The following SLC35A3 variants were observed in gnomAD, a reference collection of about 807,000 sequenced individuals.
The protein encoded by SLC35A3 is UDP-N-acetylglucosamine transporter.
A neutral mutation model predicts 39.0 loss-of-function variants in SLC35A3; 26 were observed. That is an observed-to-expected ratio of 0.67 (90% CI 0.49 to 0.92). The LOEUF (loss-of-function observed/expected upper bound fraction) is 0.92. SLC35A3 is among the 40% of genes least tolerant of loss of function. The probability of loss-of-function intolerance (pLI) is 0.00; values close to 1 mark genes in which losing one functional copy is unlikely to be tolerated. For synonymous variants in SLC35A3, 135 were observed against 133.1 expected, an observed-to-expected ratio of 1.01 and a Z score of -0.10; for missense variants, 299 against 371.6, an observed-to-expected ratio of 0.80 and a Z score of 1.61.
In SLC35A3 at chr1:100,024,622, CTTTT is replaced by C. The variant is rs1333681581; in HGVS notation, c.*2158_*2161del. 3.1e-4 allele frequency: 80 copies of C among 254,610 alleles called. No individual in the cohort carries two copies. The highest frequency in any genetic ancestry group is 1.1e-3 in the Middle Eastern group (1 of 878). The allele number at this position is 254,610 out of a possible 1,614,324, so 15.8% of individuals were successfully genotyped here. A position where few individuals can be genotyped will look rare whatever the true frequency, so the allele number is the denominator to read the frequency against. On this transcript the variant is annotated 3_prime_UTR_variant, in exon 8 of 8. Coordinates refer to ENST00000533028, the MANE Select transcript of SLC35A3 (RefSeq NM_012243.3). ...TATGAATGAAAAAAATAAAATACTT[CTTTT>C]TTTTTTTTTTTGAGACAGAGTCTCA...
chr1:100,008,324 A>G lies in SLC35A3; in HGVS notation c.465+1168A>G, dbSNP rs181792789. The G allele has an allele frequency of 7.9e-5, 12 of 151,710 alleles. No homozygotes were observed. The East Asian group carries it at 1.7e-3, about 22-fold the overall frequency. The allele number at this position is 151,710 out of a possible 1,614,324, so 9.4% of individuals were successfully genotyped here. A position where few individuals can be genotyped will look rare whatever the true frequency, so the allele number is the denominator to read the frequency against. On this transcript the variant is annotated intron_variant, in intron 4 of 7. Coordinates refer to ENST00000533028, the MANE Select transcript of SLC35A3 (RefSeq NM_012243.3). ...GCATATCAAATTCATATTTTCATAA[A>G]TATTGCTTAGGGTAAGCTAAAGTAG...
At position 100,029,138 on chromosome 1, in the gene SLC35A3, T is replaced by C. The variant is rs1661085339; in HGVS notation, c.*6662T>C. On this transcript the variant is annotated 3_prime_UTR_variant, in exon 8 of 8. Transcript: ENST00000533028. The stretch of plus-strand genomic sequence containing the variant: ...GTTGATTTTTTTGCCCATGTAGTTG[T>C]CCTCTCTTTCCAACATCTGCCCCTC... 1 of 152,216 alleles carries C rather than the reference T, an allele frequency of 6.6e-6. No individual in the cohort carries two copies. The highest frequency in any genetic ancestry group is 1.5e-5 in the Non-Finnish European group (1 of 68,058). The allele number at this position is 152,216 out of a possible 1,614,324, so 9.4% of individuals were successfully genotyped here. A position where few individuals can be genotyped will look rare whatever the true frequency, so the allele number is the denominator to read the frequency against.
At position 100,011,420 on chromosome 1, in the gene SLC35A3, T is replaced by C; in HGVS notation, c.521T>C (p.Val174Ala). 2 of 1,580,820 alleles carry C rather than the reference T, an allele frequency of 1.3e-6. No homozygotes were observed. Among genetic ancestry groups the C allele is most frequent in the Non-Finnish European group, 1.7e-6 (2 of 1,158,544 alleles). ...GAACTTTCAGCTGGTTCTCAATTTG[T>C]AGGACTCATGGCAGTTCTCACAGCA... ...SKELSAGSQF[V>A]GLMAVLTACF... The change falls in exon 5 of 8, where the codon GTA becomes GCA. Residue 174 changes from valine to alanine, a missense_variant. Transcript: ENST00000533028.
At chr1:99,979,515 G>A (rs1657320369) in intron 1 of SLC35A3, among the ~76,000 whole-genome samples, 1 of 149,390 alleles carries the variant, frequency 6.7e-6, no homozygotes, top group Non-Finnish European at 1.5e-5. Context: ...CTCACTGCAA[G>A]CTCCACCTCC....
chr1:100,011,405 C>A lies in SLC35A3; in HGVS notation c.506C>A (p.Ala169Asp). ...CAGCTTGATTCTAAGGAACTTTCAG[C>A]TGGTTCTCAATTTGTAGGACTCATG... Reference protein sequence around the residue: ...DSQLDSKELSAGSQFVGLMAV... With the variant: ...DSQLDSKELSDGSQFVGLMAV... The change falls in exon 5 of 8, where the codon GCT becomes GAT. Residue 169 changes from alanine (A) to aspartate (D), a missense_variant. Coordinates refer to ENST00000533028, the MANE Select transcript of SLC35A3 (RefSeq NM_012243.3). 6.4e-7 allele frequency: 1 copy of A among 1,570,142 alleles called. No individual in the cohort carries two copies. Among genetic ancestry groups the A allele is most frequent in the South Asian group, 1.2e-5 (1 of 83,228 alleles).
chr1:100,015,157 CAAAA>C (rs760381564), intron 5 of SLC35A3, 141 bp from the exon 6 acceptor site: 1,915 of 451,446 alleles, frequency 4.2e-3, no homozygotes, highest in South Asian at 8.2e-3. Flanking sequence ...GACTCCGTCT[CAAAA>C]AAAAAAAAAA....
intron 1 of SLC35A3, 175 bp downstream of exon 1, chr1:99,970,337 G>T: frequency 3.5e-6 from 2 of 570,888 alleles, no homozygotes; most frequent in Admixed American, 3.1e-5. Flanking sequence ...AGCTAAGTAG[G>T]GGTGGGAGCA....
intron 1 of SLC35A3, among the ~76,000 whole-genome samples, chr1:99,984,378 A>G (rs1044158033): frequency 6.6e-6 from 1 of 152,228 alleles, no homozygotes; most frequent in African/African-American, 2.4e-5. Flanking sequence ...TTCACCTAGA[A>G]TAATGGTCTC....
Position 99,977,747 on chromosome 1 carries a change from C to T in SLC35A3, c.-19+7585C>T, listed in dbSNP as rs10875278. Among the ~76,000 whole-genome samples the T allele has an allele frequency of 8.5e-3, 1,294 of 152,188 alleles. 9 individuals carry two copies. Among genetic ancestry groups the T allele is most frequent in the East Asian group, 0.035 (182 of 5,180 alleles). On this transcript the variant is annotated intron_variant, in intron 1 of 7. Transcript: ENST00000533028. Reference sequence around the variant, plus strand: ...AAAGACAGAGTCCGACTATGTTGCCCAGGCTGGTCTGGAACTCCTGGGCTC... The same window carrying T: ...AAAGACAGAGTCCGACTATGTTGCCTAGGCTGGTCTGGAACTCCTGGGCTC...
rs1275656472 is a variant in SLC35A3 at position 100,035,035 on chromosome 1, T to C, written c.*12559T>C. The C allele has an allele frequency of 6.6e-6, 1 of 152,080 alleles. No individual in the cohort carries two copies. The highest frequency in any genetic ancestry group is 1.5e-5 in the Non-Finnish European group (1 of 68,016). 9.4% of individuals were successfully genotyped at this position (152,080 alleles called of 1,614,324 possible). A position where few individuals can be genotyped will look rare whatever the true frequency, so the allele number is the denominator to read the frequency against. On this transcript the variant is annotated 3_prime_UTR_variant, in exon 8 of 8. Transcript: ENST00000533028. ...CAAAAAACCCTAACTGAGATATCAGTCTCTTAGCGCAAAGTTTGTGAATAC... is the reference window on the plus strand; with the variant it reads ...CAAAAAACCCTAACTGAGATATCAGCCTCTTAGCGCAAAGTTTGTGAATAC...
chr1:100,010,519 C>T (rs1347843239), intron 4 of SLC35A3, among the ~76,000 whole-genome samples: 1 of 152,040 alleles, frequency 6.6e-6, no homozygotes, highest in Non-Finnish European at 1.5e-5. Context: ...ATGGCAGAAC[C>T]CTGTCTCTAC....
At position 99,984,435 on chromosome 1, in the gene SLC35A3, A is replaced by G. The variant is rs141309539; in HGVS notation, c.-18-9102A>G. On this transcript the variant is annotated intron_variant, in intron 1 of 7. Transcript: ENST00000533028. ...GAATGTCATTATTTCATTTCTTTTT[A>G]TGGCTGAGTAGTACTCCATTGTATA... Among the ~76,000 whole-genome samples the G allele has an allele frequency of 7.3e-3, 1,113 of 152,252 alleles. 9 individuals carry two copies. The highest frequency in any genetic ancestry group is 0.026 in the African/African-American group (1,070 of 41,558).
At chr1:100,011,854 G>T (rs1368088651) in intron 5 of SLC35A3, among the ~76,000 whole-genome samples, 2 of 151,544 alleles carry the variant, frequency 1.3e-5, no homozygotes, top group African/African-American at 4.8e-5. Flanking sequence ...GAGTAGCTGA[G>T]ACTATAGGCG....
chr1:99,980,045 C>T (rs184365052), intron 1 of SLC35A3, among the ~76,000 whole-genome samples: 1 of 150,206 alleles, frequency 6.7e-6, no homozygotes, highest in Admixed American at 6.6e-5. Flanking sequence ...CTCTGTCTCT[C>T]TCTCTCTATA....
rs1272840995 is a variant in SLC35A3 at position 100,007,041 on chromosome 1, A to G, written c.350A>G (p.Tyr117Cys). The change falls in exon 4 of 8, where the codon TAT becomes TGT. Residue 117 changes from tyrosine (Y) to cysteine (C), a missense_variant. By Grantham distance (194) the Tyr-to-Cys change is radical. Transcript: ENST00000533028. ...NLDAATYQVT[Y>C]QLKILTTALF... is the part of the protein sequence containing the mutation. ...TACTGTTTTCTTTTTCAGGTCACGT[A>G]TCAGTTAAAAATTCTTACAACAGCA... is the stretch of plus-strand genomic sequence containing the variant. 6.9e-6 allele frequency: 11 copies of G among 1,605,574 alleles called. No individual in the cohort carries two copies. The highest frequency in any genetic ancestry group is 6.7e-5 in the East Asian group (3 of 44,746).
chr1:99,989,540 T>C (rs1657953967), intron 1 of SLC35A3, among the ~76,000 whole-genome samples: 1 of 152,158 alleles, frequency 6.6e-6, no homozygotes, highest in Non-Finnish European at 1.5e-5. Flanking sequence ...CACCTCGGCC[T>C]CCCAAAGTGC....
At chr1:100,003,990 T>C (rs1659017689) in intron 3 of SLC35A3, among the ~76,000 whole-genome samples, 1 of 152,250 alleles carries the variant, frequency 6.6e-6, no homozygotes, top group Admixed American at 6.5e-5. Context: ...CCCTTTACTT[T>C]CGTCTGTTTG....
chr1:100,020,069 T>C (rs1660431737), intron 7 of SLC35A3, among the ~76,000 whole-genome samples: 1 of 152,190 alleles, frequency 6.6e-6, no homozygotes, highest in African/African-American at 2.4e-5. Flanking sequence ...CATCAAGTGA[T>C]TGGAAAGACA....
At chr1:99,984,967 T>C (rs1265148291) in intron 1 of SLC35A3, among the ~76,000 whole-genome samples, 2 of 152,216 alleles carry the variant, frequency 1.3e-5, no homozygotes, top group Non-Finnish European at 2.9e-5. Context: ...TTGAGTTCCT[T>C]GTAGATTCTG....
Sources: allele counts gnomAD v4.1 joint callset (sites outside exome capture counted in the v4.1 genomes callset), GRCh38; gene constraint gnomAD v4.1.1; transcripts MANE v1.5; gene names NCBI Gene and HGNC (gene_info 2026-07-23, HGNC 2026-07-21).